KCNK5: variants seen among roughly 807,000 people sequenced by gnomAD.
KCNK5 encodes the protein potassium two pore domain channel subfamily K member 5, also known as potassium channel subfamily K member 5.
A neutral mutation model predicts 32.9 loss-of-function variants in KCNK5; 18 were observed. That is an observed-to-expected ratio of 0.55 (90% CI 0.38 to 0.81). The LOEUF is 0.81. KCNK5 is among the 30% of genes least tolerant of loss of function. The pLI is 0.00. For missense variants in KCNK5, 507 were observed against 651.0 expected, an observed-to-expected ratio of 0.78 and a Z score of 2.41; for synonymous variants, 276 against 275.3, an observed-to-expected ratio of 1.00 and a Z score of -0.03.
At chr6:39,209,889 G>A (rs1375657095) in intron 1 of KCNK5, among the ~76,000 whole-genome samples, 1 of 152,172 alleles carries the variant, frequency 6.6e-6, no homozygotes, top group Non-Finnish European at 1.5e-5. Flanking sequence ...AAACGGGAAC[G>A]ATGCCACCTC....
chr6:39,216,188 A>G (rs2561397), intron 1 of KCNK5, among the ~76,000 whole-genome samples: 48,383 of 152,004 alleles, frequency 0.32, 7,888 homozygotes, highest in East Asian at 0.53. Flanking sequence ...AGGAGGCTGA[A>G]ACTGGAGAAT....
At chr6:39,192,283 C>CAAAAAAAAAAAAAAAAAAAAAAA in intron 4 of KCNK5, among the ~76,000 whole-genome samples, 1 of 46,720 alleles carries the variant, frequency 2.1e-5, no homozygotes, top group Non-Finnish European at 3.4e-5. Flanking sequence ...GACTCCGTCT[C>CAAAAAAAAAAAAAAAAAAAAAAA]AAAAAAAAAA....
At chr6:39,197,129 G>C (rs1771044886) in intron 1 of KCNK5, among the ~76,000 whole-genome samples, 1 of 152,162 alleles carries the variant, frequency 6.6e-6, no homozygotes, top group East Asian at 1.9e-4. Flanking sequence ...TAGGCATTCA[G>C]CCAAATTGCC....
chr6:39,200,861 G>A (rs1279067651), intron 1 of KCNK5, among the ~76,000 whole-genome samples: 2 of 152,204 alleles, frequency 1.3e-5, no homozygotes, highest in Non-Finnish European at 2.9e-5. Context: ...GCAGTGGTGG[G>A]GCATCCCCTT....
At position 39,229,404 on chromosome 6, in the gene KCNK5, G is replaced by A. The variant is rs1298773488; in HGVS notation, c.-293C>T. 4 of 453,860 alleles carry A rather than the reference G, an allele frequency of 8.8e-6. No individual in the cohort carries two copies. Among genetic ancestry groups the A allele is most frequent in the Non-Finnish European group, 1.6e-5 (4 of 246,264 alleles). The allele number at this position is 453,860 out of a possible 1,614,324, so 28.1% of individuals were successfully genotyped here. ...ATGCGTAAGGAGCGGGAAGAACACA[G>A]GACTTGACTCTGGGCAGACACGTGG... is the stretch of plus-strand genomic sequence containing the variant. On this transcript the variant is annotated 5_prime_UTR_variant, in exon 1 of 5. Coordinates refer to ENST00000359534, the MANE Select transcript of KCNK5 (RefSeq NM_003740.4).
intron 1 of KCNK5, among the ~76,000 whole-genome samples, chr6:39,224,009 C>T (rs1261092745): frequency 6.6e-6 from 1 of 151,960 alleles, no homozygotes; most frequent in Admixed American, 6.6e-5. Context: ...TAGTCAAACG[C>T]TCAAAGCAAT....
chr6:39,212,924 G>C (rs931805785), intron 1 of KCNK5, among the ~76,000 whole-genome samples: 1 of 152,186 alleles, frequency 6.6e-6, no homozygotes, highest in African/African-American at 2.4e-5. Flanking sequence ...AACTAGGCTC[G>C]AAAGACATGA....
intron 1 of KCNK5, among the ~76,000 whole-genome samples, chr6:39,218,745 C>T (rs1771487335): frequency 6.6e-6 from 1 of 152,082 alleles, no homozygotes; most frequent in Non-Finnish European, 1.5e-5. Flanking sequence ...TGCTCCTTCC[C>T]CCTGGAGTGG....
intron 1 of KCNK5, among the ~76,000 whole-genome samples, chr6:39,214,226 G>A (rs533742980): frequency 2.0e-5 from 3 of 152,244 alleles, no homozygotes; most frequent in East Asian, 1.9e-4. Context: ...TACCTGCCTC[G>A]GCTGTGGGAG....
chr6:39,223,337 G>A, intron 1 of KCNK5, among the ~76,000 whole-genome samples: 1 of 152,188 alleles, frequency 6.6e-6, no homozygotes, highest in East Asian at 1.9e-4. Flanking sequence ...GCTGGACAAA[G>A]ATCCCTACTG....
intron 1 of KCNK5, among the ~76,000 whole-genome samples, chr6:39,206,409 G>A (rs1771226522): frequency 6.6e-6 from 1 of 152,202 alleles, no homozygotes; most frequent in Admixed American, 6.5e-5. Flanking sequence ...TTGGGGTGGG[G>A]TCAAGGATCA....
chr6:39,203,938 C>T (rs1478928046), intron 1 of KCNK5, among the ~76,000 whole-genome samples: 1 of 152,214 alleles, frequency 6.6e-6, no homozygotes, highest in Non-Finnish European at 1.5e-5. Flanking sequence ...CCCCCCGGGT[C>T]AGGTGACCAG....
chr6:39,206,835 G>A (rs778531778), intron 1 of KCNK5, among the ~76,000 whole-genome samples: 1 of 151,982 alleles, frequency 6.6e-6, no homozygotes, highest in Non-Finnish European at 1.5e-5. Flanking sequence ...CTGTGTTGGC[G>A]CGTCGATTAC....
intron 4 of KCNK5, among the ~76,000 whole-genome samples, chr6:39,193,195 A>G (rs1194667270): frequency 6.6e-6 from 1 of 152,274 alleles, no homozygotes; most frequent in Non-Finnish European, 1.5e-5. Flanking sequence ...CCCTAATACC[A>G]GAGGCACCTC....
chr6:39,211,388 GCTTT>G (rs1223997351), intron 1 of KCNK5, among the ~76,000 whole-genome samples: 1 of 152,222 alleles, frequency 6.6e-6, no homozygotes, highest in Admixed American at 6.5e-5. Flanking sequence ...ACAAACACAT[GCTTT>G]CTGTCAGCTG....
chr6:39,215,325 C>A (rs1295349528), intron 1 of KCNK5, among the ~76,000 whole-genome samples: 1 of 152,204 alleles, frequency 6.6e-6, no homozygotes. Context: ...CCACTCGCTG[C>A]TCTGAAGGGG....
rs1432692778 is a variant in KCNK5, at chr6:39,191,931, G to C, written c.635-176C>G. ...CTATCCCATCTTCCTCAAGGGCTTGGGCCTGCCATCATTCATGACCCCATC... is the reference window on the plus strand; with the variant it reads ...CTATCCCATCTTCCTCAAGGGCTTGCGCCTGCCATCATTCATGACCCCATC... On this transcript the variant is annotated intron_variant, in intron 4 of 4. Transcript: ENST00000359534. This position sits in a 1 kb window ranked among gnomAD's most constrained non-coding sequence, Gnocchi z 5.8. 6.6e-6 allele frequency among the ~76,000 whole-genome samples: 1 copy of C among 152,000 alleles called. No individual in the cohort carries two copies. Among genetic ancestry groups the C allele is most frequent in the Non-Finnish European group, 1.5e-5 (1 of 68,002 alleles).
chr6:39,194,372 T>G lies in KCNK5; in HGVS notation c.466-35A>C. On this transcript the variant is annotated intron_variant, in intron 3 of 4. Transcript: ENST00000359534. The surrounding 1 kb of genome is among the most constrained non-coding windows in gnomAD (Gnocchi z 4.7). Reference sequence around the variant, plus strand: ...AGCAGGAGGCCAAGTCAGAGAATAGTGGAGACTTGGAAACCCAGCAAAGGC... The same window carrying G: ...AGCAGGAGGCCAAGTCAGAGAATAGGGGAGACTTGGAAACCCAGCAAAGGC... The G allele has an allele frequency of 6.4e-7, 1 of 1,566,908 alleles. No homozygotes were observed. The highest frequency in any genetic ancestry group is 1.2e-5 in the South Asian group (1 of 81,856).
At chr6:39,224,237 C>T (rs747910963) in intron 1 of KCNK5, among the ~76,000 whole-genome samples, 11 of 152,160 alleles carry the variant, frequency 7.2e-5, no homozygotes, top group Non-Finnish European at 1.0e-4. Context: ...CAAGCTCGGA[C>T]CCAAGGCTGT....
Sources: allele counts gnomAD v4.1 joint callset (sites outside exome capture counted in the v4.1 genomes callset), GRCh38; gene constraint gnomAD v4.1.1; non-coding constraint Gnocchi (gnomAD v3.1); transcripts MANE v1.5; gene names NCBI Gene and HGNC (gene_info 2026-07-23, HGNC 2026-07-21).